The following DYNC2I1 variants were observed in gnomAD, a reference collection of about 807,000 sequenced individuals.
DYNC2I1 encodes the protein cytoplasmic dynein 2 intermediate chain 1.
A neutral mutation model predicts 133.4 loss-of-function variants in DYNC2I1; 89 were observed. The ratio of observed to expected loss-of-function variants is 0.67; its 90% confidence interval spans 0.56 to 0.80. DYNC2I1 has a LOEUF of 0.80. Ranked by LOEUF, DYNC2I1 falls within the 30% of genes least tolerant of loss-of-function variation. DYNC2I1 has a pLI of 0.00. For synonymous variants in DYNC2I1, 504 were observed against 484.3 expected (o/e 1.04, Z -0.54); for missense variants, 1,291 against 1,314.5 (o/e 0.98, Z 0.28).
At chr7:158,925,783 G>A (rs558215794) in intron 17 of DYNC2I1, among the ~76,000 whole-genome samples, 6 of 152,162 alleles carry the variant, frequency 3.9e-5, no homozygotes, top group African/African-American at 7.2e-5. Context: ...CCTTCCCATC[G>A]GCCGTGCTGC....
intron 2 of DYNC2I1, among the ~76,000 whole-genome samples, chr7:158,870,796 G>C (rs763431294): frequency 1.3e-5 from 2 of 152,124 alleles, no homozygotes; most frequent in African/African-American, 4.8e-5. Flanking sequence ...CACCCGAATA[G>C]TACCTGTCAC....
chr7:158,866,884 CAA>C (rs532567555), intron 1 of DYNC2I1, among the ~76,000 whole-genome samples: 1 of 132,264 alleles, frequency 7.6e-6, no homozygotes. Flanking sequence ...GGCTCCGTCT[CAA>C]AAAAAAAAAA....
chr7:158,894,247 A>G (rs535665710), intron 8 of DYNC2I1, among the ~76,000 whole-genome samples: 1 of 152,154 alleles, frequency 6.6e-6, no homozygotes, highest in East Asian at 1.9e-4. Context: ...ACTGCATGTC[A>G]CACCATATAT....
upstream of DYNC2I1, among the ~76,000 whole-genome samples, chr7:158,856,372 T>G (rs73527662): frequency 0.017 from 2,603 of 152,354 alleles, 75 homozygotes; most frequent in African/African-American, 0.058. Context: ...GTCAGGGTAC[T>G]GCACCTACCC....
At chr7:158,858,050 C>G (rs1841474064) in intron 1 of DYNC2I1, among the ~76,000 whole-genome samples, 1 of 152,072 alleles carries the variant, frequency 6.6e-6, no homozygotes, top group African/African-American at 2.4e-5. Context: ...CTTGGCCTCC[C>G]AAAGTGCTGG....
Position 158,945,213 on chromosome 7 carries a change from C to T in DYNC2I1, c.3003-368C>T, listed in dbSNP as rs112648215. On this transcript the variant is annotated intron_variant, in intron 24 of 24. Transcript: ENST00000407559. This position sits in a 1 kb window ranked among gnomAD's most constrained non-coding sequence, Gnocchi z 4.1. ...ACGCAGACTTGTGAGTCCTGACACT[C>T]AGCTGTGGGTGAGATCCAGGGAGGC... 2.5e-4 allele frequency among the ~76,000 whole-genome samples: 38 copies of T among 152,146 alleles called. No individual in the cohort carries two copies. Among genetic ancestry groups the T allele is most frequent in the African/African-American group, 8.2e-4 (34 of 41,500 alleles).
Position 158,945,842 on chromosome 7 carries a change from A to G in DYNC2I1, c.*63A>G. ...CAGATTTAAAAGACATAAGGTGGAT[A>G]ATTCTACATTTGTGTGCAAGTATAT... On this transcript the variant is annotated 3_prime_UTR_variant, in exon 25 of 25. Transcript: ENST00000407559. This position sits in a 1 kb window ranked among gnomAD's most constrained non-coding sequence, Gnocchi z 4.1. 7.0e-7 allele frequency: 1 copy of G among 1,419,828 alleles called. No individual in the cohort carries two copies. Among genetic ancestry groups the G allele is most frequent in the South Asian group, 1.5e-5 (1 of 66,528 alleles). 88.0% of individuals were successfully genotyped at this position (1,419,828 alleles called of 1,614,324 possible).
At chr7:158,888,801 C>T (rs1213106150) in intron 7 of DYNC2I1, among the ~76,000 whole-genome samples, 2 of 152,222 alleles carry the variant, frequency 1.3e-5, no homozygotes, top group East Asian at 3.9e-4. Flanking sequence ...TTGCTTTATT[C>T]TATGTCCGTA....
intron 5 of DYNC2I1, among the ~76,000 whole-genome samples, chr7:158,880,571 T>A (rs1018738336): frequency 5.3e-5 from 8 of 151,932 alleles, no homozygotes; most frequent in African/African-American, 9.7e-5. Context: ...CAAAAAAAAA[T>A]TTTTTTTGAA....
intron 8 of DYNC2I1, among the ~76,000 whole-genome samples, chr7:158,899,650 TC>T (rs1357987289): frequency 2.6e-5 from 4 of 152,288 alleles, no homozygotes; most frequent in Middle Eastern, 3.4e-3. Context: ...GCCTGGTCTT[TC>T]CCATGCTATT....
At chr7:158,844,768 T>C in the DYNC2I1 span, among the ~76,000 whole-genome samples, 1 of 152,056 alleles carries the variant, frequency 6.6e-6, no homozygotes, top group Non-Finnish European at 1.5e-5. Context: ...ATTACAGGCA[T>C]GCACCACCAC....
intron 6 of DYNC2I1, 34 bp downstream of exon 6, chr7:158,884,653 G>A (rs749363711): frequency 1.4e-5 from 22 of 1,608,344 alleles, no homozygotes; most frequent in East Asian, 8.9e-5. Context: ...CGACCTTTAC[G>A]TGTGCCGCTC....
At chr7:158,926,498 C>T (rs1304580686) in intron 19 of DYNC2I1, 35 bp downstream of exon 19, 1 of 1,603,908 alleles carries the variant, frequency 6.2e-7, no homozygotes, top group Admixed American at 1.7e-5. Context: ...CATGCGGGGC[C>T]TGAGTGAGGT....
intron 23 of DYNC2I1, among the ~76,000 whole-genome samples, chr7:158,938,985 A>G (rs889366627): frequency 6.6e-6 from 1 of 152,246 alleles, no homozygotes; most frequent in Non-Finnish European, 1.5e-5. Flanking sequence ...CAACTTCTTA[A>G]GATATAAGTA....
At chr7:158,917,065 CATTAA>C (rs1848435854) in intron 14 of DYNC2I1, among the ~76,000 whole-genome samples, 1 of 10,440 alleles carries the variant, frequency 9.6e-5, no homozygotes, top group African/African-American at 3.8e-4. Flanking sequence ...CGCTGGTTGA[CATTAA>C]GGATGATTGT....
intron 1 of DYNC2I1, among the ~76,000 whole-genome samples, chr7:158,860,058 T>G (rs1474974806): frequency 1.1e-4 from 6 of 53,598 alleles, no homozygotes; most frequent in Admixed American, 2.0e-4. Flanking sequence ...GTATTAGAGT[T>G]TTTTTTTTTT....
At chr7:158,951,413 G>A (rs940491011) in intron 4 of DYNC2I1, among the ~76,000 whole-genome samples, 5 of 152,230 alleles carry the variant, frequency 3.3e-5, no homozygotes, top group African/African-American at 9.6e-5. Flanking sequence ...AAGCAAAGAC[G>A]GGCAGGGAGT....
At chr7:158,917,232 G>A (rs191291442) in intron 14 of DYNC2I1, among the ~76,000 whole-genome samples, 20 of 119,256 alleles carry the variant, frequency 1.7e-4, no homozygotes, top group African/African-American at 5.5e-4. Flanking sequence ...GGATGATTGT[G>A]AAATGTTGAC....
At chr7:158,912,341 A>G (rs1217202287) in intron 12 of DYNC2I1, among the ~76,000 whole-genome samples, 1 of 152,240 alleles carries the variant, frequency 6.6e-6, no homozygotes, top group Admixed American at 6.5e-5. Context: ...CATTCCTGTT[A>G]CTGGTACCAC....
Sources: gnomAD v4.1 joint callset for allele counts (sites outside exome capture counted in the v4.1 genomes callset) on GRCh38, gnomAD v4.1.1 for gene constraint, Gnocchi (gnomAD v3.1) non-coding constraint, MANE v1.5 for transcripts, NCBI Gene and HGNC (gene_info 2026-07-23, HGNC 2026-07-21) for gene names.